ASXL1: variants seen among roughly 807,000 people sequenced by gnomAD.
The protein encoded by ASXL1 is ASXL transcriptional regulator 1, also known as polycomb group protein ASXL1.
Under a neutral mutation model 89.1 loss-of-function variants are expected in ASXL1, and 65 were observed. The ratio of observed to expected loss-of-function variants is 0.73; its 90% CI spans 0.60 to 0.90. ASXL1 has a LOEUF of 0.90. ASXL1 is among the 40% of genes least tolerant of loss of function. ASXL1 has a pLI of 0.00. For missense variants in ASXL1, 1,786 were observed against 1,942.9 expected (o/e 0.92, Z 1.52); for synonymous variants, 739 against 746.9 (o/e 0.99, Z 0.17).
intron 4 of ASXL1, chr20:32,371,967 T>C (rs2048307097): frequency 4.5e-6 from 2 of 439,612 alleles, no homozygotes; most frequent in Admixed American, 3.4e-5. Context: ...ATTTAATACA[T>C]ATATGTTTAT....
chr20:32,360,973 G>A (rs2048099317), intron 1 of ASXL1, among the ~76,000 whole-genome samples: 1 of 152,174 alleles, frequency 6.6e-6, no homozygotes, highest in Middle Eastern at 3.4e-3. Flanking sequence ...TCTCGAACTC[G>A]TGACCTTAGG....
chr20:32,392,531 C>T (rs914544848), intron 4 of ASXL1, among the ~76,000 whole-genome samples: 7 of 146,280 alleles, frequency 4.8e-5, no homozygotes, highest in East Asian at 2.1e-4. Flanking sequence ...CTGCCCGCCT[C>T]GGCCTCCCAA....
rs996984044 is a variant in ASXL1, at chr20:32,434,890, G to A, written c.2178G>A (p.Lys726=). The A allele has an allele frequency of 1.9e-6, 3 of 1,614,060 alleles. No individual in the cohort carries two copies. The highest frequency in any genetic ancestry group is 1.7e-6 in the Non-Finnish European group (2 of 1,180,038). The change falls in exon 13 of 13, where the codon AAG becomes AAA. Residue 726 remains lysine, a synonymous_variant. Transcript: ENST00000375687. ...ARREDLPSLR[K]EESCLLQRAT... is the part of the protein sequence containing the mutation. ...GAGAGGACCTGCCTTCTCTGAGAAA[G>A]GAGGAAAGCTGCCTACTACAGAGGG...
At chr20:32,403,171 C>T (rs542940678) in intron 4 of ASXL1, among the ~76,000 whole-genome samples, 1 of 152,236 alleles carries the variant, frequency 6.6e-6, no homozygotes, top group South Asian at 2.1e-4. Flanking sequence ...TATTGAATTG[C>T]TTTCTCACCT....
intron 4 of ASXL1, among the ~76,000 whole-genome samples, chr20:32,381,312 C>T (rs140857404): frequency 2.1e-4 from 32 of 152,202 alleles, no homozygotes; most frequent in African/African-American, 7.7e-4. Flanking sequence ...TCAAATGATC[C>T]TCCCACCTCA....
chr20:32,431,905 C>T (rs1166758196), intron 10 of ASXL1, among the ~76,000 whole-genome samples: 2 of 152,170 alleles, frequency 1.3e-5, no homozygotes, highest in Non-Finnish European at 2.9e-5. Context: ...TGTATGTACT[C>T]ATTCATCATC....
At chr20:32,387,684 T>G (rs2048602776) in intron 4 of ASXL1, among the ~76,000 whole-genome samples, 1 of 152,242 alleles carries the variant, frequency 6.6e-6, no homozygotes, top group South Asian at 2.1e-4. Flanking sequence ...TCTGCAACGC[T>G]TAGATCTCAT....
intron 9 of ASXL1, 47 bp from the exon 10 acceptor site, chr20:32,431,536 C>T: frequency 1.9e-6 from 3 of 1,614,070 alleles, no homozygotes; most frequent in Non-Finnish European, 2.5e-6. Flanking sequence ...CTTCTGTTCT[C>T]TTTTAAGTTT....
intron 4 of ASXL1, among the ~76,000 whole-genome samples, chr20:32,424,707 C>T (rs747883214): frequency 6.2e-4 from 94 of 152,140 alleles, no homozygotes; most frequent in Non-Finnish European, 1.1e-3. Context: ...ATCATCGTTT[C>T]TCTTGTCATT....
chr20:32,416,435 T>C (rs558376796), intron 4 of ASXL1, among the ~76,000 whole-genome samples: 1 of 152,364 alleles, frequency 6.6e-6, no homozygotes, highest in East Asian at 1.9e-4. Flanking sequence ...GCCCCTGTTC[T>C]TCCCAGTAGC....
intron 4 of ASXL1, among the ~76,000 whole-genome samples, chr20:32,397,250 CTTTTTTTTTTTTTTTTTT>C (rs71187116): frequency 1.3e-3 from 9 of 6,982 alleles, no homozygotes; most frequent in Non-Finnish European, 2.2e-3. Flanking sequence ...CCATGCCTGG[CTTTTTTTTTTTTTTTTTT>C]TTTTTTTTTT....
chr20:32,377,804 C>G (rs1005701962), intron 4 of ASXL1, among the ~76,000 whole-genome samples: 1 of 151,928 alleles, frequency 6.6e-6, no homozygotes, highest in Non-Finnish European at 1.5e-5. Context: ...AGACATGAGG[C>G]ACCATGCCCG....
intron 1 of ASXL1, 134 bp downstream of exon 1, chr20:32,358,966 G>T (rs1468074802): frequency 1.4e-5 from 14 of 976,314 alleles, no homozygotes; most frequent in Non-Finnish European, 2.0e-5. Context: ...CTTTAAGAAC[G>T]GGACAGCCCC....
chr20:32,390,061 T>G (rs1257524405), intron 4 of ASXL1, among the ~76,000 whole-genome samples: 1 of 152,224 alleles, frequency 6.6e-6, no homozygotes, highest in African/African-American at 2.4e-5. Flanking sequence ...AAGCCCACCT[T>G]AAGTTGAAAA....
In ASXL1 at chr20:32,435,904, C is replaced by A; in HGVS notation, c.3192C>A (p.Ser1064Arg). The A allele has an allele frequency of 6.2e-7, 1 of 1,614,178 alleles. No individual in the cohort carries two copies. Among genetic ancestry groups the A allele is most frequent in the Non-Finnish European group, 8.5e-7 (1 of 1,180,036 alleles). Residue 1064 changes from serine (S) to arginine (R), a missense_variant, in exon 13 of 13, where the codon AGC becomes AGA. Around this residue, in one of 3 missense-constraint regions of ASXL1, gnomAD observed 1,418 missense variants for 1,427.8 expected, o/e 0.99. Transcript: ENST00000375687. The part of the protein sequence containing the change: ...TRTDGMVAPQ[S>R]WVSRVCAVRQ... ...CAGATGGGATGGTTGCTCCTCAGAG[C>A]TGGGTGTCTCGAGTATGTGCGGTCC... is the stretch of plus-strand genomic sequence containing the variant.
At chr20:32,414,006 T>A (rs2049094439) in intron 4 of ASXL1, among the ~76,000 whole-genome samples, 1 of 152,234 alleles carries the variant, frequency 6.6e-6, no homozygotes, top group Non-Finnish European at 1.5e-5. Flanking sequence ...AAGATGTTAC[T>A]CTTACTACTA....
chr20:32,373,750 C>G (rs1333618438), intron 4 of ASXL1, among the ~76,000 whole-genome samples: 2 of 151,942 alleles, frequency 1.3e-5, no homozygotes, highest in Admixed American at 6.6e-5. Flanking sequence ...GCCTGTAATT[C>G]CAGGTACTTG....
At chr20:32,362,402 C>T (rs1345088758) in intron 1 of ASXL1, among the ~76,000 whole-genome samples, 1 of 152,130 alleles carries the variant, frequency 6.6e-6, no homozygotes, top group African/African-American at 2.4e-5. Flanking sequence ...TTTGGGAGGC[C>T]GAGGCGGGCG....
rs2011463748 is a variant in ASXL1, at chr20:32,429,823, C to G, written c.566-78C>G. ...ATTGCTGGCAGCATCTCAGGGAGAG[C>G]TGGGAGAAATGAGCTTGTCTGAGAG... On this transcript the variant is annotated intron_variant, in intron 7 of 12. Coordinates refer to ENST00000375687, the MANE Select transcript of ASXL1 (RefSeq NM_015338.6). This position sits in a 1 kb window ranked among gnomAD's most constrained non-coding sequence, Gnocchi z 4.9. 5 of 1,553,048 alleles carry G rather than the reference C, an allele frequency of 3.2e-6. No individual in the cohort carries two copies. In the South Asian group the frequency reaches 5.7e-5, roughly 18 times the overall value.
Sources: gnomAD v4.1 joint callset for allele counts (sites outside exome capture counted in the v4.1 genomes callset) on GRCh38, gnomAD v4.1.1 for gene constraint, gnomAD v4.1.1 regional missense constraint, Gnocchi (gnomAD v3.1) non-coding constraint, MANE v1.5 for transcripts, NCBI Gene and HGNC (gene_info 2026-07-23, HGNC 2026-07-21) for gene names.